Variants in SPAG5 observed in about 807,000 individuals in gnomAD.
SPAG5 encodes the protein sperm-associated antigen 5.
In SPAG5, 99 loss-of-function variants were observed where a neutral mutation model predicts 145.4. The observed-to-expected ratio is 0.68, with a 90% CI of 0.58 to 0.80. SPAG5 has a LOEUF of 0.80. Ranked by LOEUF, SPAG5 falls within the 30% of genes least tolerant of loss-of-function variation. The pLI is 0.00. For missense variants in SPAG5, 1,192 were observed against 1,416.0 expected, an observed-to-expected ratio of 0.84 and a Z score of 2.54; for synonymous variants, 477 against 525.4, an observed-to-expected ratio of 0.91 and a Z score of 1.26.
At chr17:28,587,452 A>G (rs748710774) in intron 4 of SPAG5, among the ~76,000 whole-genome samples, 5 of 151,926 alleles carry the variant, frequency 3.3e-5, no homozygotes, top group African/African-American at 4.8e-5. Flanking sequence ...AGGCTGAGGC[A>G]GGAGAATCAC....
intron 10 of SPAG5, 136 bp downstream of exon 10, chr17:28,584,966 C>G (rs954971357): frequency 3.5e-6 from 3 of 861,530 alleles, no homozygotes; most frequent in Non-Finnish European, 5.6e-6. Context: ...TTAAGGCCAT[C>G]TTACAGCTAA....
chr17:28,588,088 A>C (rs1012085865), intron 4 of SPAG5, among the ~76,000 whole-genome samples: 10 of 152,204 alleles, frequency 6.6e-5, no homozygotes, highest in Non-Finnish European at 1.3e-4. Context: ...CTGGAGCAGC[A>C]CTGCTGATTT....
At chr17:28,580,354 T>C (rs2070542021) in intron 15 of SPAG5, 1 of 285,868 alleles carries the variant, frequency 3.5e-6, no homozygotes, top group East Asian at 5.7e-5. Context: ...ACCCTTCTTC[T>C]TACCTTAAAT....
rs758373582 is a variant in SPAG5 at position 28,591,993 on chromosome 17, C to G, written c.1251G>C (p.Gln417His). Residue 417 changes from glutamine to histidine, a missense_variant, in exon 3 of 24, where the codon CAG becomes CAC. Around this residue, in one of 5 missense-constraint regions of SPAG5, gnomAD observed 125 missense variants for 143.8 expected, o/e 0.87. Coordinates refer to ENST00000321765, the MANE Select transcript of SPAG5 (RefSeq NM_006461.4). ...GTKHSTSETE[Q>H]LLCGRPPDLT... Reference sequence around the variant, plus strand: ...ATAGGGGCGCTTACCCACACAGGAGCTGCTCTGTCTCAGAAGTACTGTGCT... The same window carrying G: ...ATAGGGGCGCTTACCCACACAGGAGGTGCTCTGTCTCAGAAGTACTGTGCT... 8.7e-6 allele frequency: 14 copies of G among 1,613,950 alleles called. 1 individual carries two copies. The South Asian group carries it at 1.2e-4, about 14-fold the overall frequency.
At position 28,584,683 on chromosome 17, in the gene SPAG5, T is replaced by G; in HGVS notation, c.2130A>C (p.Gln710His). 1 of 1,614,174 alleles carries G rather than the reference T, an allele frequency of 6.2e-7. No homozygotes were observed. The highest frequency in any genetic ancestry group is 1.7e-5 in the Admixed American group (1 of 60,022). ...CTAGACGACTGTTTTCCAACTCCAG[T>G]TGTTCTGTTTGGCCTTTGCACTCCT... The part of the protein sequence containing the change: ...QLEECKGQTE[Q>H]LELENSRLAT... Residue 710 changes from glutamine to histidine, a missense_variant, in exon 11 of 24, where the codon CAA becomes CAC. By Grantham distance (24) the Gln-to-His change is conservative. Transcript: ENST00000321765.
intron 15 of SPAG5, chr17:28,580,714 G>C (rs1469752970): frequency 6.6e-6 from 1 of 152,176 alleles, no homozygotes; most frequent in South Asian, 2.1e-4. Context: ...TCTATTCACA[G>C]GTCCTTCCTT....
rs908768071 is a variant in SPAG5, at chr17:28,580,739, C to G, written c.2686-619G>C. ...GGTCCTTCCTTAACTGCTGGATCCT[C>G]TGGGTTAAGTCCTTGGCCCTAAATT... On this transcript the variant is annotated intron_variant, in intron 15 of 23. Coordinates refer to ENST00000321765, the MANE Select transcript of SPAG5 (RefSeq NM_006461.4). The G allele has an allele frequency of 2.0e-5, 3 of 152,246 alleles. No homozygotes were observed. The South Asian group carries it at 6.2e-4, about 31-fold the overall frequency. The allele number at this position is 152,246 out of a possible 1,614,324, so 9.4% of individuals were successfully genotyped here.
In SPAG5 at chr17:28,577,650, G is replaced by A. The variant is rs764935736; in HGVS notation, c.*49C>T. The A allele has an allele frequency of 5.4e-6, 7 of 1,293,176 alleles. No homozygotes were observed. The highest frequency in any genetic ancestry group is 2.4e-5 in the South Asian group (2 of 84,484). 80.1% of individuals were successfully genotyped at this position (1,293,176 alleles called of 1,614,324 possible). A position where few individuals can be genotyped will look rare whatever the true frequency, so the allele number is the denominator to read the frequency against. On this transcript the variant is annotated 3_prime_UTR_variant, in exon 24 of 24. Coordinates refer to ENST00000321765, the MANE Select transcript of SPAG5 (RefSeq NM_006461.4). ...CAGTTGGTCTTGGTATTGGGGTAAG[G>A]GGGTATTGCAGGTAAAAAGAGGTGA...
At chr17:28,597,079 C>T (rs940268177) in intron 2 of SPAG5, among the ~76,000 whole-genome samples, 1 of 150,462 alleles carries the variant, frequency 6.6e-6, no homozygotes, top group Non-Finnish European at 1.5e-5. Context: ...AAGAGCGAAA[C>T]TCCATCTCAA....
Position 28,592,694 on chromosome 17 carries a change from C to G in SPAG5, c.550G>C (p.Glu184Gln). The G allele has an allele frequency of 6.2e-7, 1 of 1,614,214 alleles. No homozygotes were observed. Among genetic ancestry groups the G allele is most frequent in the South Asian group, 1.1e-5 (1 of 91,084 alleles). Residue 184 changes from glutamate (E) to glutamine (Q), a missense_variant, in exon 3 of 24, where the codon GAA (glutamate) becomes CAA (glutamine). This residue lies in a region of SPAG5 where 329 missense variants were observed against 354.0 expected (regional missense o/e 0.93). Coordinates refer to ENST00000321765, the MANE Select transcript of SPAG5 (RefSeq NM_006461.4). ...GGTTTCTCAGATACAGCAGCAACTT[C>G]TGAAAACCTGTCTCCCATGCAGGGT... ...VAPCMGDRFS[E>Q]VAAVSEKPIF... is the part of the protein sequence containing the mutation.
Position 28,585,348 on chromosome 17 carries a change from G to C in SPAG5, c.1924C>G (p.Gln642Glu). 1 of 1,614,172 alleles carries C rather than the reference G, an allele frequency of 6.2e-7. No homozygotes were observed. Among genetic ancestry groups the C allele is most frequent in the South Asian group, 1.1e-5 (1 of 91,082 alleles). Residue 642 changes from glutamine to glutamate, a missense_variant, in exon 9 of 24, where the codon CAA becomes GAA. Around this residue, in one of 5 missense-constraint regions of SPAG5, gnomAD observed 709 missense variants for 840.7 expected, o/e 0.84. Transcript: ENST00000321765. ...QQTVSLTSTLQQDWRSMQLDY... is the reference protein window; with the variant it reads ...QQTVSLTSTLEQDWRSMQLDY... ...AGTTGCATGGACCTCCAGTCTTGTT[G>C]CAAGGTAGAAGTAAGACTCACTGTC... is the stretch of plus-strand genomic sequence containing the variant.
chr17:28,593,105 A>G lies in SPAG5; in HGVS notation c.178-39T>C, dbSNP rs570084682. On this transcript the variant is annotated intron_variant, in intron 2 of 23. Coordinates refer to ENST00000321765, the MANE Select transcript of SPAG5 (RefSeq NM_006461.4). Reference sequence around the variant, plus strand: ...CAAAAGTAGTTGTCTAAGGCAGTCAATTCAGTTCCCGACATACAATTACAG... The same window carrying G: ...CAAAAGTAGTTGTCTAAGGCAGTCAGTTCAGTTCCCGACATACAATTACAG... 1.9e-5 allele frequency: 31 copies of G among 1,594,792 alleles called. No homozygotes were observed. In the Middle Eastern group the frequency reaches 8.4e-4, roughly 43 times the overall value.
intron 4 of SPAG5, among the ~76,000 whole-genome samples, chr17:28,589,463 T>G (rs531176541): frequency 2.3e-4 from 35 of 152,152 alleles, no homozygotes; most frequent in African/African-American, 7.7e-4. Context: ...TACACCAAAA[T>G]GATGAGATAC....
rs1308538102 is a variant in SPAG5 at position 28,578,282 on chromosome 17, A to C, written c.3365T>G (p.Leu1122Arg). The change falls in exon 22 of 24, where the codon CTG becomes CGG. Residue 1122 changes from leucine to arginine, a missense_variant. This residue lies in a region of SPAG5 where 709 missense variants were observed against 840.7 expected (regional missense o/e 0.84). Transcript: ENST00000321765. ...KVWLSQEVDKLRVMFLEMKNE... is the reference protein window; with the variant it reads ...KVWLSQEVDKRRVMFLEMKNE... ...TTTCATCTCCAGGAACATCACTCTCAGTTTGTCCACCTAGAAATATGTCCA... is the reference window on the plus strand; with the variant it reads ...TTTCATCTCCAGGAACATCACTCTCCGTTTGTCCACCTAGAAATATGTCCA... 1 of 1,614,014 alleles carries C rather than the reference A, an allele frequency of 6.2e-7. No homozygotes were observed. Among genetic ancestry groups the C allele is most frequent in the South Asian group, 1.1e-5 (1 of 91,078 alleles).
At position 28,584,762 on chromosome 17, in the gene SPAG5, G is replaced by A. The variant is rs1009992875; in HGVS notation, c.2068-17C>T. The A allele has an allele frequency of 6.4e-7, 1 of 1,562,554 alleles. No individual in the cohort carries two copies. The highest frequency in any genetic ancestry group is 8.8e-7 in the Non-Finnish European group (1 of 1,133,042). On this transcript the variant is annotated splice_polypyrimidine_tract_variant and intron_variant, in intron 10 of 23. Transcript: ENST00000321765. ...CCTAGAAACCTAGGAAGAACAGATGGTTTTCCTCCTATAGTTCCTCCTGAA... is the reference window on the plus strand; with the variant it reads ...CCTAGAAACCTAGGAAGAACAGATGATTTTCCTCCTATAGTTCCTCCTGAA...
intron 15 of SPAG5, among the ~76,000 whole-genome samples, chr17:28,582,168 C>CCCCACA (rs113042268): frequency 2.0e-5 from 3 of 152,218 alleles, no homozygotes; most frequent in South Asian, 2.1e-4. Flanking sequence ...TCCTGCCTTG[C>CCCCACA]CCCACAGAGC....
chr17:28,585,712 ATG>A, intron 7 of SPAG5, 59 bp from the exon 8 acceptor site: 1 of 1,611,194 alleles, frequency 6.2e-7, no homozygotes, highest in Non-Finnish European at 8.5e-7. Flanking sequence ...GCACAAAAAG[ATG>A]TAACCATGAC....
chr17:28,579,094 G>C, intron 19 of SPAG5, 47 bp downstream of exon 19: 5 of 1,463,364 alleles, frequency 3.4e-6, no homozygotes, highest in African/African-American at 2.8e-5. Context: ...TGGGCCAGTA[G>C]AGCTGCCCCA....
chr17:28,580,622 T>C (rs1021668204), intron 15 of SPAG5: 5 of 152,292 alleles, frequency 3.3e-5, no homozygotes, highest in Non-Finnish European at 7.3e-5. Flanking sequence ...ATTGTTCTTT[T>C]AGAAACTTCC....
Sources: gnomAD v4.1 joint callset for allele counts (sites outside exome capture counted in the v4.1 genomes callset) on GRCh38, gnomAD v4.1.1 for gene constraint, gnomAD v4.1.1 regional missense constraint, MANE v1.5 for transcripts, NCBI Gene and HGNC (gene_info 2026-07-23, HGNC 2026-07-21) for gene names.